Variants in GABRB3 observed in about 807,000 individuals in gnomAD.
GABRB3 encodes the protein gamma-aminobutyric acid receptor subunit beta-3.
GABRB3 carries 14 observed loss-of-function variants against 52.1 expected under a neutral mutation model. That is an observed-to-expected ratio of 0.27 (90% CI 0.18 to 0.42). The LOEUF is 0.42. GABRB3 is among the 10% of genes least tolerant of loss of function. The probability of loss-of-function intolerance (pLI) is 1.00; values close to 1 mark genes in which losing one functional copy is unlikely to be tolerated. For missense variants in GABRB3, 307 were observed against 609.1 expected (o/e 0.50, Z 5.22); for synonymous variants, 260 against 232.3 (o/e 1.12, Z -1.08).
At chr15:26,681,326 G>A (rs114852977) in intron 3 of GABRB3, among the ~76,000 whole-genome samples, 1,887 of 152,138 alleles carry the variant, frequency 0.012, 43 homozygotes, top group African/African-American at 0.043. Flanking sequence ...ACTTTCCCTC[G>A]AAATCAGATT....
At chr15:26,630,879 T>C (rs531504986) in intron 3 of GABRB3, among the ~76,000 whole-genome samples, 3 of 152,332 alleles carry the variant, frequency 2.0e-5, no homozygotes, top group South Asian at 4.1e-4. Flanking sequence ...TTCCACAAAT[T>C]TGTACATCAT....
chr15:26,568,235 G>A lies in GABRB3; in HGVS notation c.683-502C>T, dbSNP rs560501271. 5.2e-4 allele frequency among the ~76,000 whole-genome samples: 79 copies of A among 152,260 alleles called. No homozygotes were observed. In the South Asian group the frequency reaches 0.011, roughly 21 times the overall value. On this transcript the variant is annotated intron_variant, in intron 6 of 8. Transcript: ENST00000311550. Reference sequence around the variant, plus strand: ...GCACCCTAAGAATGAGAGAGGCAGAGAAGCAAGTCCAGTCCCGGAGAAAGC... The same window carrying A: ...GCACCCTAAGAATGAGAGAGGCAGAAAAGCAAGTCCAGTCCCGGAGAAAGC...
intron 3 of GABRB3, among the ~76,000 whole-genome samples, chr15:26,663,447 C>A (rs1427936914): frequency 1.3e-5 from 2 of 152,190 alleles, no homozygotes; most frequent in Admixed American, 1.3e-4. Flanking sequence ...CTAATCGCTA[C>A]ACTGATGTTT....
At chr15:26,630,882 T>C (rs987403500) in intron 3 of GABRB3, among the ~76,000 whole-genome samples, 3 of 152,236 alleles carry the variant, frequency 2.0e-5, no homozygotes, top group African/African-American at 7.2e-5. Context: ...CACAAATTTG[T>C]ACATCATTTG....
At chr15:26,570,063 G>A (rs372432460) in intron 6 of GABRB3, among the ~76,000 whole-genome samples, 7 of 152,258 alleles carry the variant, frequency 4.6e-5, no homozygotes, top group African/African-American at 1.7e-4. Flanking sequence ...GGCTTTGAGT[G>A]GAGGACACAC....
intron 3 of GABRB3, among the ~76,000 whole-genome samples, chr15:26,657,698 A>C (rs1887417486): frequency 6.6e-6 from 1 of 152,222 alleles, no homozygotes; most frequent in Non-Finnish European, 1.5e-5. Context: ...TATTCACTTA[A>C]TGAAACCACT....
At chr15:26,718,411 G>A (rs1334183523) in intron 3 of GABRB3, among the ~76,000 whole-genome samples, 1 of 152,150 alleles carries the variant, frequency 6.6e-6, no homozygotes, top group Non-Finnish European at 1.5e-5. Context: ...GTTTCTCCAT[G>A]TGGGTCAGGC....
At chr15:26,571,833 A>G (rs924568387) in intron 6 of GABRB3, among the ~76,000 whole-genome samples, 3 of 152,138 alleles carry the variant, frequency 2.0e-5, no homozygotes, top group Non-Finnish European at 4.4e-5. Flanking sequence ...GTGAATCGCG[A>G]GGTCAAGAGA....
At chr15:26,741,755 T>G (rs1210102589) in intron 3 of GABRB3, among the ~76,000 whole-genome samples, 2 of 152,104 alleles carry the variant, frequency 1.3e-5, no homozygotes, top group South Asian at 2.1e-4. Flanking sequence ...CCTACAGGCA[T>G]GCACCACTAT....
chr15:26,759,162 A>C (rs1168434920), intron 3 of GABRB3, among the ~76,000 whole-genome samples: 2 of 152,194 alleles, frequency 1.3e-5, no homozygotes, highest in Non-Finnish European at 2.9e-5. Context: ...CAAAGTCTTC[A>C]TCTCTACACC....
At chr15:26,664,781 C>T (rs564990433) in intron 3 of GABRB3, among the ~76,000 whole-genome samples, 14 of 148,454 alleles carry the variant, frequency 9.4e-5, no homozygotes, top group African/African-American at 3.2e-4. Flanking sequence ...CTCAGCTCAC[C>T]GCAACCTCTG....
intron 6 of GABRB3, among the ~76,000 whole-genome samples, chr15:26,568,333 C>T (rs144509604): frequency 6.6e-6 from 1 of 152,184 alleles, no homozygotes; most frequent in South Asian, 2.1e-4. Flanking sequence ...GAGCACCTGT[C>T]TGCCTTCTTG....
At chr15:26,773,717 G>T (rs1176369889), upstream of GABRB3, 2 of 1,567,818 alleles carry the variant, frequency 1.3e-6, no homozygotes, top group African/African-American at 1.4e-5. Context: ...CAGGAGCCCG[G>T]AGCACATGGC....
At chr15:26,651,844 A>G (rs1887207036) in intron 3 of GABRB3, among the ~76,000 whole-genome samples, 1 of 152,164 alleles carries the variant, frequency 6.6e-6, no homozygotes, top group Admixed American at 6.5e-5. Flanking sequence ...TTTCTTTGAC[A>G]TATTTTGAAA....
intron 3 of GABRB3, among the ~76,000 whole-genome samples, chr15:26,717,112 G>A (rs1296362442): frequency 3.0e-4 from 23 of 75,688 alleles, no homozygotes; most frequent in Admixed American, 3.8e-4. Flanking sequence ...CCCAGTTCTG[G>A]GGACATCCGC....
intron 3 of GABRB3, among the ~76,000 whole-genome samples, chr15:26,636,283 C>T (rs992147117): frequency 6.6e-6 from 1 of 152,178 alleles, no homozygotes; most frequent in African/African-American, 2.4e-5. Context: ...GTGAACTAAC[C>T]TTGTCCTTTG....
Position 26,547,185 on chromosome 15 carries a change from T to G in GABRB3, c.*608A>C, listed in dbSNP as rs1889280276. On this transcript the variant is annotated 3_prime_UTR_variant, in exon 9 of 9. Coordinates refer to ENST00000311550, the MANE Select transcript of GABRB3 (RefSeq NM_000814.6). ...ACTGCCAGTGGCTCACCCCAGCCAC[T>G]AAACCATTGCAGAAAACGTATGCCC... The G allele has an allele frequency of 4.6e-6, 1 of 217,216 alleles. No individual in the cohort carries two copies. The highest frequency in any genetic ancestry group is 5.6e-5 in the Admixed American group (1 of 17,808). 13.5% of individuals were successfully genotyped at this position (217,216 alleles called of 1,614,324 possible).
intron 6 of GABRB3, among the ~76,000 whole-genome samples, chr15:26,573,870 T>C (rs1890500645): frequency 6.6e-6 from 1 of 151,950 alleles, no homozygotes; most frequent in Non-Finnish European, 1.5e-5. Flanking sequence ...GGCAAAACAG[T>C]GAGACTCCAT....
At chr15:26,759,348 G>A (rs753609652) in intron 3 of GABRB3, among the ~76,000 whole-genome samples, 8 of 152,214 alleles carry the variant, frequency 5.3e-5, no homozygotes, top group African/African-American at 9.6e-5. Flanking sequence ...TCCGCCTCCC[G>A]GGTGCCAGTT....
Sources: gnomAD v4.1 joint callset for allele counts (sites outside exome capture counted in the v4.1 genomes callset) on GRCh38, gnomAD v4.1.1 for gene constraint, MANE v1.5 for transcripts, NCBI Gene and HGNC (gene_info 2026-07-23, HGNC 2026-07-21) for gene names.